SPAG16: variants seen among roughly 807,000 people sequenced by gnomAD.
The protein encoded by SPAG16 is sperm-associated antigen 16 protein.
A neutral mutation model predicts 80.4 loss-of-function variants in SPAG16; 86 were observed. The observed-to-expected ratio is 1.07, with a 90% CI of 0.90 to 1.28. The LOEUF (loss-of-function observed/expected upper bound fraction) is 1.28, where lower values mean the gene tolerates loss of function less well. Ranked by LOEUF, SPAG16 falls within the 50% of genes most tolerant of loss-of-function variation. The pLI is 0.00. For synonymous variants in SPAG16, 294 were observed against 265.9 expected (o/e 1.11, Z -1.03); for missense variants, 870 against 765.3 (o/e 1.14, Z -1.61).
chr2:213,322,353 AAAAC>A (rs1424742226), intron 5 of SPAG16, among the ~76,000 whole-genome samples: 1,301 of 111,438 alleles, frequency 0.012, 139 homozygotes, highest in African/African-American at 0.036. Context: ...AAAAAAAAAA[AAAAC>A]AAAAAACTCG....
chr2:214,089,935 A>G (rs930676373), intron 13 of SPAG16, among the ~76,000 whole-genome samples: 1 of 152,114 alleles, frequency 6.6e-6, no homozygotes, highest in Non-Finnish European at 1.5e-5. Context: ...ATGTCAAGTT[A>G]ATGAGTGTCT....
intron 15 of SPAG16, among the ~76,000 whole-genome samples, chr2:214,262,624 G>A (rs1442493983): frequency 1.3e-5 from 2 of 151,922 alleles, no homozygotes; most frequent in East Asian, 1.9e-4. Context: ...AATAATTTAT[G>A]TCAAAACAAT....
At chr2:214,377,221 C>T (rs976843453) in intron 15 of SPAG16, among the ~76,000 whole-genome samples, 13 of 152,236 alleles carry the variant, frequency 8.5e-5, no homozygotes, top group African/African-American at 3.1e-4. Flanking sequence ...TGATGTCTCC[C>T]GGTTCCAGTG....
chr2:214,034,332 C>T (rs2048573669), intron 13 of SPAG16, among the ~76,000 whole-genome samples: 1 of 152,226 alleles, frequency 6.6e-6, no homozygotes. Flanking sequence ...TTATTATTTT[C>T]ACACTGTGTT....
Position 213,644,592 on chromosome 2 carries a change from C to T in SPAG16, c.1070+154502C>T, listed in dbSNP as rs550422402. ...CCAGTAATGCTGTGTTTCTTACAGA[C>T]TTGCAGAGGCACCTCCTTCACAGTC... On this transcript the variant is annotated intron_variant, in intron 10 of 15. Transcript: ENST00000331683. 3.3e-5 allele frequency among the ~76,000 whole-genome samples: 5 copies of T among 152,336 alleles called. No homozygotes were observed. The South Asian group carries it at 1.0e-3, about 32-fold the overall frequency.
At chr2:213,538,475 GAAC>G (rs996139231) in intron 10 of SPAG16, among the ~76,000 whole-genome samples, 2 of 152,034 alleles carry the variant, frequency 1.3e-5, no homozygotes, top group African/African-American at 4.8e-5. Flanking sequence ...TAATTTAAAA[GAAC>G]AATAAAGTGT....
intron 13 of SPAG16, among the ~76,000 whole-genome samples, chr2:214,102,942 G>A (rs532005446): frequency 6.6e-6 from 1 of 152,272 alleles, no homozygotes; most frequent in East Asian, 1.9e-4. Flanking sequence ...CTTGTTGCTA[G>A]GACTTCATGG....
intron 9 of SPAG16, among the ~76,000 whole-genome samples, chr2:213,412,543 A>C (rs1459659821): frequency 2.0e-5 from 3 of 152,244 alleles, no homozygotes; most frequent in Non-Finnish European, 2.9e-5. Context: ...GTCCTCAATA[A>C]ATCCTATCAT....
At chr2:213,338,971 A>G (rs1044500473) in intron 5 of SPAG16, among the ~76,000 whole-genome samples, 27 of 151,902 alleles carry the variant, frequency 1.8e-4, no homozygotes, top group African/African-American at 6.5e-4. Context: ...CCACCGTGGC[A>G]CATGTTTACC....
chr2:213,315,741 G>C (rs971026362), intron 4 of SPAG16, among the ~76,000 whole-genome samples: 1 of 151,322 alleles, frequency 6.6e-6, no homozygotes, highest in African/African-American at 2.4e-5. Flanking sequence ...TTCAGTAATT[G>C]ATTCTCAGTA....
chr2:213,324,211 A>C (rs1020616473), intron 5 of SPAG16, among the ~76,000 whole-genome samples: 4 of 151,972 alleles, frequency 2.6e-5, no homozygotes, highest in Non-Finnish European at 4.4e-5. Flanking sequence ...TACTTTTGTC[A>C]TTCTTATTTC....
At chr2:213,667,428 C>A (rs889765840) in intron 10 of SPAG16, among the ~76,000 whole-genome samples, 2 of 152,070 alleles carry the variant, frequency 1.3e-5, no homozygotes, top group Non-Finnish European at 2.9e-5. Context: ...GCTTTGGGTT[C>A]CTCAATTGTA....
intron 5 of SPAG16, among the ~76,000 whole-genome samples, chr2:213,339,865 A>G (rs1559427144): frequency 6.6e-6 from 1 of 152,174 alleles, no homozygotes; most frequent in Admixed American, 6.5e-5. Flanking sequence ...CTTTGGAAAT[A>G]GATGGTTTAT....
At chr2:214,203,738 G>A (rs1490762094) in intron 15 of SPAG16, among the ~76,000 whole-genome samples, 1 of 152,138 alleles carries the variant, frequency 6.6e-6, no homozygotes, top group Non-Finnish European at 1.5e-5. Flanking sequence ...GGCTACCAGA[G>A]GAACTGGAAA....
intron 14 of SPAG16, 137 bp downstream of exon 14, chr2:214,108,398 G>T: frequency 8.1e-6 from 4 of 493,720 alleles, no homozygotes; most frequent in Non-Finnish European, 1.1e-5. Context: ...GTAAACAATA[G>T]GAAAAGTCTA....
intron 11 of SPAG16, among the ~76,000 whole-genome samples, chr2:213,919,941 T>C (rs1559588520): frequency 6.6e-6 from 1 of 152,348 alleles, no homozygotes; most frequent in East Asian, 1.9e-4. Context: ...TGAAGGTCTT[T>C]AAGAACTTGC....
chr2:213,922,954 A>C (rs1315454053), intron 11 of SPAG16, among the ~76,000 whole-genome samples: 1 of 152,146 alleles, frequency 6.6e-6, no homozygotes, highest in South Asian at 2.1e-4. Context: ...CTGGGGAAAC[A>C]TGGGGTTGCA....
chr2:213,457,871 CTT>C (rs1327627443), intron 9 of SPAG16, among the ~76,000 whole-genome samples: 2 of 150,026 alleles, frequency 1.3e-5, no homozygotes, highest in African/African-American at 2.5e-5. Context: ...ATTATTCCCT[CTT>C]CTTTTATTTT....
intron 11 of SPAG16, among the ~76,000 whole-genome samples, chr2:213,912,348 T>G (rs946848184): frequency 6.6e-6 from 1 of 152,196 alleles, no homozygotes; most frequent in African/African-American, 2.4e-5. Context: ...TACGTATCTA[T>G]ATTTAATTTT....
Sources: allele counts gnomAD v4.1 joint callset (sites outside exome capture counted in the v4.1 genomes callset), GRCh38; gene constraint gnomAD v4.1.1; transcripts MANE v1.5; gene names NCBI Gene and HGNC (gene_info 2026-07-23, HGNC 2026-07-21).